The following CALN1 variants were observed in gnomAD, a reference collection of about 807,000 sequenced individuals.
The protein encoded by CALN1 is calcium-binding protein 8.
In CALN1, 17 loss-of-function variants were observed where a neutral mutation model predicts 30.6. The observed-to-expected ratio is 0.56, with a 90% CI of 0.38 to 0.83. The LOEUF is 0.83. Among genes scored for constraint, CALN1 ranks in the 40% least tolerant of loss-of-function variants. The pLI is 0.00. For missense variants in CALN1, 291 were observed against 354.9 expected (o/e 0.82, Z 1.45); for synonymous variants, 156 against 131.4 (o/e 1.19, Z -1.28).
At chr7:72,321,039 TAGAA>T (rs1800843015) in intron 2 of CALN1, among the ~76,000 whole-genome samples, 2 of 152,072 alleles carry the variant, frequency 1.3e-5, no homozygotes, top group Admixed American at 1.3e-4. Context: ...GCCAAGTACT[TAGAA>T]AGCAGCACTT....
chr7:72,058,756 G>C (rs1353468849), intron 4 of CALN1, among the ~76,000 whole-genome samples: 3 of 152,168 alleles, frequency 2.0e-5, no homozygotes, highest in Non-Finnish European at 2.9e-5. Flanking sequence ...AGCTCTCTAT[G>C]AAAAATACGC....
At chr7:72,247,930 C>T (rs1468697904) in intron 3 of CALN1, among the ~76,000 whole-genome samples, 1 of 151,666 alleles carries the variant, frequency 6.6e-6, no homozygotes, top group African/African-American at 2.4e-5. Flanking sequence ...CCGGGAGTTC[C>T]AGGTTGCAGT....
At chr7:72,472,309 A>G in the CALN1 span, among the ~76,000 whole-genome samples, 3 of 152,182 alleles carry the variant, frequency 2.0e-5, no homozygotes, top group East Asian at 5.8e-4. Flanking sequence ...TGCATGGTCA[A>G]TGGAGACAAT....
the CALN1 span, among the ~76,000 whole-genome samples, chr7:72,481,249 G>A: frequency 6.6e-6 from 1 of 152,148 alleles, no homozygotes; most frequent in African/African-American, 2.4e-5. Flanking sequence ...ACTGCGCCCG[G>A]CCTAATTTTT....
intron 2 of CALN1, among the ~76,000 whole-genome samples, chr7:72,284,404 G>A (rs1027427371): frequency 1.3e-5 from 2 of 152,200 alleles, no homozygotes; most frequent in African/African-American, 4.8e-5. Context: ...GCCATGGGTT[G>A]CCCAGATATT....
intron 2 of CALN1, among the ~76,000 whole-genome samples, chr7:72,284,640 C>CA (rs1007765180): frequency 6.6e-6 from 1 of 152,212 alleles, no homozygotes; most frequent in African/African-American, 2.4e-5. Flanking sequence ...CCACTGAACT[C>CA]AGACTTGGAC....
At chr7:72,004,308 G>A (rs1258311418) in intron 5 of CALN1, among the ~76,000 whole-genome samples, 1 of 152,188 alleles carries the variant, frequency 6.6e-6, no homozygotes, top group East Asian at 1.9e-4. Context: ...AACAAATGAT[G>A]CTGGGGTAAG....
chr7:72,055,240 G>A (rs773148384), intron 4 of CALN1, among the ~76,000 whole-genome samples: 36 of 152,266 alleles, frequency 2.4e-4, no homozygotes, highest in South Asian at 8.3e-4. Context: ...GGGCTGGGTG[G>A]GGCAGGGTGA....
intron 1 of CALN1, among the ~76,000 whole-genome samples, chr7:72,441,143 C>T (rs1298375990): frequency 5.3e-5 from 8 of 151,514 alleles, no homozygotes; most frequent in East Asian, 1.9e-4. Flanking sequence ...TGATGAATGC[C>T]GAAAGAAATA....
At chr7:72,255,245 C>T (rs1795835660) in intron 3 of CALN1, among the ~76,000 whole-genome samples, 1 of 151,032 alleles carries the variant, frequency 6.6e-6, no homozygotes, top group South Asian at 2.1e-4. Flanking sequence ...GCCACCACAC[C>T]CGGCTAATTC....
intron 3 of CALN1, among the ~76,000 whole-genome samples, chr7:72,249,932 A>C (rs1441911711): frequency 7.6e-6 from 1 of 130,804 alleles, no homozygotes; most frequent in Non-Finnish European, 1.6e-5. Context: ...GTGAGACCCT[A>C]TCTCAAAACA....
At chr7:71,953,657 A>G (rs1015505883) in intron 5 of CALN1, among the ~76,000 whole-genome samples, 4 of 152,132 alleles carry the variant, frequency 2.6e-5, no homozygotes, top group East Asian at 1.9e-4. Flanking sequence ...AATTGTTGAT[A>G]AAGTTTCCTG....
rs1475360993 is a variant in CALN1, at chr7:72,320,213, A to G, written c.120-41403T>C. 2.0e-5 allele frequency among the ~76,000 whole-genome samples: 3 copies of G among 152,190 alleles called. No individual in the cohort carries two copies. In the East Asian group the frequency reaches 5.8e-4, roughly 29 times the overall value. On this transcript the variant is annotated intron_variant, in intron 2 of 6. Transcript: ENST00000395275. ...GCAAGCAGGCAGAGAGGGAGGGCCA[A>G]GATCAAGCCAAGCTGCTGACCAGGG...
At chr7:72,443,701 C>A (rs1303945555) in intron 1 of CALN1, among the ~76,000 whole-genome samples, 2 of 151,946 alleles carry the variant, frequency 1.3e-5, no homozygotes, top group Admixed American at 1.3e-4. Flanking sequence ...TATCCCATGA[C>A]ACACACTATT....
In CALN1 at chr7:72,412,046, T is replaced by G. The variant is rs574957484; in HGVS notation, c.-74+12A>C. 58 of 152,308 alleles carry G rather than the reference T, an allele frequency of 3.8e-4. No individual in the cohort carries two copies. Among genetic ancestry groups the G allele is most frequent in the African/African-American group, 1.4e-3 (57 of 41,576 alleles). 9.4% of individuals were successfully genotyped at this position (152,308 alleles called of 1,614,324 possible). ...AGCTGAGCCCACCATGCTCTTTAGT[T>G]TCTGTGCCCACCTGTGTGCGGAATT... On this transcript the variant is annotated intron_variant, in intron 1 of 6. Coordinates refer to ENST00000395275, the MANE Select transcript of CALN1 (RefSeq NM_031468.4).
chr7:71,784,570 G>A lies in CALN1; in HGVS notation c.*3205C>T, dbSNP rs1186945963. On this transcript the variant is annotated 3_prime_UTR_variant, in exon 7 of 7. Coordinates refer to ENST00000395275, the MANE Select transcript of CALN1 (RefSeq NM_031468.4). The stretch of plus-strand genomic sequence containing the variant: ...GCGCAGCTTCTTTGGGGATCAAGGG[G>A]GTCAGGGTCCATTTCCCCTTCTCTC... 2.7e-6 allele frequency: 1 copy of A among 366,094 alleles called. No individual in the cohort carries two copies. Among genetic ancestry groups the A allele is most frequent in the African/African-American group, 2.1e-5 (1 of 48,050 alleles). 22.7% of individuals were successfully genotyped at this position (366,094 alleles called of 1,614,324 possible).
intron 5 of CALN1, among the ~76,000 whole-genome samples, chr7:71,971,702 A>G (rs2129526335): frequency 6.6e-6 from 1 of 151,872 alleles, no homozygotes; most frequent in South Asian, 2.1e-4. Context: ...CTTTGAGAAC[A>G]GCCCGGGCAA....
intron 5 of CALN1, among the ~76,000 whole-genome samples, chr7:71,850,962 C>A (rs1222057747): frequency 6.6e-6 from 1 of 152,096 alleles, no homozygotes; most frequent in Non-Finnish European, 1.5e-5. Flanking sequence ...CCTCTAATCC[C>A]AGAGCATTGG....
intron 1 of CALN1, among the ~76,000 whole-genome samples, chr7:72,410,742 CTATA>C (rs906590989): frequency 2.6e-5 from 4 of 152,162 alleles, no homozygotes; most frequent in Admixed American, 6.5e-5. Context: ...AAATAGGGAA[CTATA>C]TATATTTCCT....
Sources: allele counts gnomAD v4.1 joint callset (sites outside exome capture counted in the v4.1 genomes callset), GRCh38; gene constraint gnomAD v4.1.1; transcripts MANE v1.5; gene names NCBI Gene and HGNC (gene_info 2026-07-23, HGNC 2026-07-21).